The following GDPD5 variants were observed in gnomAD, a reference collection of about 807,000 sequenced individuals.
GDPD5 encodes the protein glycerophosphodiester phosphodiesterase 2.
A neutral mutation model predicts 75.1 loss-of-function variants in GDPD5; 48 were observed. The ratio of observed to expected loss-of-function variants is 0.64; its 90% CI spans 0.51 to 0.81. The LOEUF (loss-of-function observed/expected upper bound fraction) is 0.81, where lower values mean the gene tolerates loss of function less well. Among genes scored for constraint, GDPD5 ranks in the 40% least tolerant of loss-of-function variants. GDPD5 has a pLI of 0.00. For synonymous variants in GDPD5, 336 were observed against 339.0 expected, an observed-to-expected ratio of 0.99 and a Z score of 0.10; for missense variants, 706 against 822.6, an observed-to-expected ratio of 0.86 and a Z score of 1.73.
At chr11:75,480,177 A>G (rs1386973572) in intron 2 of GDPD5, among the ~76,000 whole-genome samples, 2 of 152,270 alleles carry the variant, frequency 1.3e-5, no homozygotes, top group South Asian at 2.1e-4. Context: ...TCTACTAAAA[A>G]TACAAAAATT....
intron 1 of GDPD5, among the ~76,000 whole-genome samples, chr11:75,494,625 G>C (rs1004281913): frequency 2.0e-5 from 3 of 152,140 alleles, no homozygotes; most frequent in Admixed American, 6.5e-5. Flanking sequence ...TAATCTAAAA[G>C]ACTAAAAGTA....
At chr11:75,501,701 G>C (rs1950307819) in intron 1 of GDPD5, among the ~76,000 whole-genome samples, 1 of 152,162 alleles carries the variant, frequency 6.6e-6, no homozygotes, top group African/African-American at 2.4e-5. Flanking sequence ...TGGGAGAGGA[G>C]AGGGTGAGAG....
At chr11:75,494,179 T>G (rs1392783506) in intron 1 of GDPD5, among the ~76,000 whole-genome samples, 1 of 151,772 alleles carries the variant, frequency 6.6e-6, no homozygotes. Context: ...ACAATAAATT[T>G]TCCTATGTTT....
intron 3 of GDPD5, among the ~76,000 whole-genome samples, chr11:75,475,715 G>A (rs1161924511): frequency 6.6e-6 from 1 of 152,186 alleles, no homozygotes; most frequent in Non-Finnish European, 1.5e-5. Flanking sequence ...CACCTGAGGT[G>A]AGCTCAGCCC....
At chr11:75,458,956 T>A (rs1376529314) in intron 4 of GDPD5, among the ~76,000 whole-genome samples, 1 of 152,030 alleles carries the variant, frequency 6.6e-6, no homozygotes, top group Admixed American at 6.6e-5. Context: ...GTATTTTTTG[T>A]AGAGGCAGGG....
chr11:75,475,312 A>G (rs1478208192), intron 3 of GDPD5, among the ~76,000 whole-genome samples: 1 of 152,144 alleles, frequency 6.6e-6, no homozygotes, highest in Non-Finnish European at 1.5e-5. Flanking sequence ...GGTGGTGAGA[A>G]TAAGGAGACA....
chr11:75,522,892 G>T (rs1052616041), intron 1 of GDPD5, among the ~76,000 whole-genome samples: 3 of 152,040 alleles, frequency 2.0e-5, no homozygotes, highest in African/African-American at 7.3e-5. Flanking sequence ...AGCCAAGGGA[G>T]GGGGTAAGAA....
chr11:75,453,756 T>A (rs1370821303), intron 6 of GDPD5, among the ~76,000 whole-genome samples: 1 of 152,010 alleles, frequency 6.6e-6, no homozygotes, highest in African/African-American at 2.4e-5. Flanking sequence ...AAATTTAGTA[T>A]ATGATAAAAA....
At chr11:75,488,893 T>A (rs186577123) in intron 2 of GDPD5, among the ~76,000 whole-genome samples, 67 of 152,288 alleles carry the variant, frequency 4.4e-4, no homozygotes, top group African/African-American at 1.5e-3. Flanking sequence ...TCTGAAGACC[T>A]ATAGTGTCTG....
At chr11:75,520,167 T>C (rs1783551) in intron 1 of GDPD5, among the ~76,000 whole-genome samples, 116,411 of 152,216 alleles carry the variant, frequency 0.76, 46,539 homozygotes, top group Middle Eastern at 0.88. Flanking sequence ...CTCCCTGCCA[T>C]CTGGCACGCC....
intron 3 of GDPD5, among the ~76,000 whole-genome samples, chr11:75,471,755 G>T (rs1949671048): frequency 6.6e-6 from 1 of 152,146 alleles, no homozygotes; most frequent in Non-Finnish European, 1.5e-5. Context: ...GTCATGCCAG[G>T]TGCCCTTGGT....
At chr11:75,476,869 C>A (rs1002745128) in intron 3 of GDPD5, among the ~76,000 whole-genome samples, 1 of 152,160 alleles carries the variant, frequency 6.6e-6, no homozygotes, top group Admixed American at 6.5e-5. Flanking sequence ...CGGCAGCCAC[C>A]GCTCCCCATC....
intron 11 of GDPD5, chr11:75,442,855 C>G: frequency 1.7e-6 from 1 of 601,552 alleles, no homozygotes; most frequent in Non-Finnish European, 3.0e-6. Flanking sequence ...GATCAGAGAG[C>G]CAACCCCTCT....
chr11:75,493,681 A>AG (rs143738141), intron 1 of GDPD5, among the ~76,000 whole-genome samples: 12 of 147,324 alleles, frequency 8.1e-5, no homozygotes, highest in South Asian at 2.1e-4. Context: ...GGAGTGCAGC[A>AG]GGGGGGGGCC....
At chr11:75,502,186 C>T (rs1312494703) in intron 1 of GDPD5, among the ~76,000 whole-genome samples, 1 of 152,248 alleles carries the variant, frequency 6.6e-6, no homozygotes, top group Non-Finnish European at 1.5e-5. Flanking sequence ...CTTCCCTCCT[C>T]ACCTCAGGGC....
intron 2 of GDPD5, among the ~76,000 whole-genome samples, chr11:75,483,383 G>C (rs1949959506): frequency 1.3e-5 from 2 of 152,204 alleles, no homozygotes; most frequent in South Asian, 4.1e-4. Flanking sequence ...GAGGCAGGAT[G>C]CTGGGATGGG....
chr11:75,478,736 A>G (rs1949836818), intron 2 of GDPD5, among the ~76,000 whole-genome samples: 1 of 152,228 alleles, frequency 6.6e-6, no homozygotes, highest in Non-Finnish European at 1.5e-5. Context: ...ATATAAGCTG[A>G]GATGTGTTGA....
chr11:75,473,922 T>C (rs1949725542), intron 3 of GDPD5, among the ~76,000 whole-genome samples: 1 of 152,218 alleles, frequency 6.6e-6, no homozygotes, highest in South Asian at 2.1e-4. Flanking sequence ...TGATCTTGTC[T>C]GTTCCCCCAC....
chr11:75,479,019 A>G (rs2135376818), intron 2 of GDPD5, among the ~76,000 whole-genome samples: 1 of 152,318 alleles, frequency 6.6e-6, no homozygotes, highest in Non-Finnish European at 1.5e-5. Context: ...TATAGCAGCA[A>G]GAGGTGTCTT....
Sources: gnomAD v4.1 joint callset for allele counts (sites outside exome capture counted in the v4.1 genomes callset) on GRCh38, gnomAD v4.1.1 for gene constraint, MANE v1.5 for transcripts, NCBI Gene and HGNC (gene_info 2026-07-23, HGNC 2026-07-21) for gene names.